The following ZSCAN25 variants were observed in gnomAD, a reference collection of about 807,000 sequenced individuals.
ZSCAN25 encodes zinc finger and SCAN domain containing 25.
Under a neutral mutation model 38.7 loss-of-function variants are expected in ZSCAN25, and 27 were observed. The ratio of observed to expected loss-of-function variants is 0.70; its 90% CI spans 0.51 to 0.96. ZSCAN25 has a LOEUF of 0.96. Ranked by LOEUF, ZSCAN25 falls within the 40% of genes least tolerant of loss-of-function variation. The pLI, the probability that ZSCAN25 is intolerant of heterozygous loss-of-function variation, is 0.00. For missense variants in ZSCAN25, 637 were observed against 705.9 expected (o/e 0.90, Z 1.11); for synonymous variants, 273 against 277.7 (o/e 0.98, Z 0.17).
downstream of ZSCAN25, among the ~76,000 whole-genome samples, chr7:99,635,875 G>A (rs1356556258): frequency 2.0e-5 from 3 of 151,816 alleles, no homozygotes; most frequent in Non-Finnish European, 4.4e-5. Flanking sequence ...GTGAAACCCC[G>A]TGTCTGCTAA....
At chr7:99,666,734 C>T in the ZSCAN25 span, 1 of 1,613,676 alleles carries the variant, frequency 6.2e-7, no homozygotes, top group Admixed American at 1.7e-5. Flanking sequence ...TGTGCAGACT[C>T]AAGTCCCAGA....
At chr7:99,627,376 A>G (rs1807567335) in intron 7 of ZSCAN25, among the ~76,000 whole-genome samples, 1 of 152,202 alleles carries the variant, frequency 6.6e-6, no homozygotes, top group Admixed American at 6.5e-5. Flanking sequence ...CAAAACTGAA[A>G]ACTACCCAAA....
In ZSCAN25 at chr7:99,631,322, A is replaced by G. The variant is rs896239821; in HGVS notation, c.*1302A>G. 6 of 985,406 alleles carry G rather than the reference A, an allele frequency of 6.1e-6. No individual in the cohort carries two copies. Among genetic ancestry groups the G allele is most frequent in the Non-Finnish European group, 7.2e-6 (6 of 829,920 alleles). 61.0% of individuals were successfully genotyped at this position (985,406 alleles called of 1,614,324 possible). On this transcript the variant is annotated 3_prime_UTR_variant, in exon 8 of 8. Coordinates refer to ENST00000394152, the MANE Select transcript of ZSCAN25 (RefSeq NM_145115.3). ...AGCGACCTGTTTTGCATGAGTGCCA[A>G]GTCAGGAAAAATAAAGATATTTGTA...
chr7:99,725,294 A>C, the ZSCAN25 span, among the ~76,000 whole-genome samples: 1 of 152,170 alleles, frequency 6.6e-6, no homozygotes, highest in South Asian at 2.1e-4. Flanking sequence ...CTCTCCTGAC[A>C]TTAGAAAAAA....
the ZSCAN25 span, chr7:99,658,998 G>A: frequency 6.6e-6 from 1 of 152,090 alleles, no homozygotes; most frequent in Non-Finnish European, 1.5e-5. Context: ...CTTTTTTCAA[G>A]GTTTTTAACT....
the ZSCAN25 span, chr7:99,710,587 C>CT: frequency 6.9e-7 from 1 of 1,458,720 alleles, no homozygotes; most frequent in Non-Finnish European, 9.1e-7. Context: ...ATGCTTCCTT[C>CT]TTTTTATTTT....
chr7:99,696,053 C>T, the ZSCAN25 span, among the ~76,000 whole-genome samples: 3 of 152,166 alleles, frequency 2.0e-5, no homozygotes, highest in South Asian at 2.1e-4. Context: ...AATGATTAGT[C>T]GAAAGCAGCA....
the ZSCAN25 span, among the ~76,000 whole-genome samples, chr7:99,715,176 T>C: frequency 6.6e-6 from 1 of 152,202 alleles, no homozygotes; most frequent in East Asian, 1.9e-4. Context: ...TAAGTTGAAG[T>C]AGAAATTAAA....
chr7:99,696,749 A>T, the ZSCAN25 span, among the ~76,000 whole-genome samples: 1 of 152,172 alleles, frequency 6.6e-6, no homozygotes, highest in Non-Finnish European at 1.5e-5. Flanking sequence ...CGCAAATCTC[A>T]TGTGGAAATG....
chr7:99,724,749 A>G, the ZSCAN25 span, among the ~76,000 whole-genome samples: 1 of 152,296 alleles, frequency 6.6e-6, no homozygotes, highest in South Asian at 2.1e-4. Context: ...AGCTGAAGGC[A>G]TAGTCAAGGT....
chr7:99,699,929 G>A, the ZSCAN25 span: 1 of 1,446,980 alleles, frequency 6.9e-7, no homozygotes, highest in Non-Finnish European at 9.7e-7. Flanking sequence ...CCAAGTCCAA[G>A]TTAACAGAGG....
At chr7:99,627,672 G>A (rs1034482139) in intron 7 of ZSCAN25, among the ~76,000 whole-genome samples, 2 of 150,006 alleles carry the variant, frequency 1.3e-5, no homozygotes, top group African/African-American at 2.5e-5. Flanking sequence ...TACTATATAC[G>A]TATATCATGT....
chr7:99,675,985 G>T, the ZSCAN25 span: 2 of 741,582 alleles, frequency 2.7e-6, no homozygotes, highest in Non-Finnish European at 4.5e-6. Context: ...ATGATCCACT[G>T]CACCCAGTCC....
At chr7:99,691,319 G>A in the ZSCAN25 span, among the ~76,000 whole-genome samples, 1 of 152,178 alleles carries the variant, frequency 6.6e-6, no homozygotes, top group Admixed American at 6.5e-5. Context: ...GGTAGGGATA[G>A]CATTAGGAGA....
the ZSCAN25 span, chr7:99,672,553 T>C: frequency 6.3e-7 from 1 of 1,578,574 alleles, no homozygotes; most frequent in Non-Finnish European, 8.7e-7. Flanking sequence ...TCAATCATTA[T>C]TTAAATTTCA....
intron 4 of ZSCAN25, 89 bp downstream of exon 4, chr7:99,620,082 G>A: frequency 6.9e-7 from 1 of 1,454,110 alleles, no homozygotes; most frequent in South Asian, 1.4e-5. Context: ...AGTAGGAGTG[G>A]ACGAGGTGTG....
intron 3 of ZSCAN25, among the ~76,000 whole-genome samples, chr7:99,619,360 C>A (rs1806732016): frequency 6.6e-6 from 1 of 152,184 alleles, no homozygotes; most frequent in Admixed American, 6.5e-5. Context: ...AAATCTTAGA[C>A]ATTTTCTGTT....
the ZSCAN25 span, chr7:99,665,151 T>C: frequency 6.3e-7 from 1 of 1,574,824 alleles, no homozygotes; most frequent in Non-Finnish European, 8.6e-7. Flanking sequence ...GAGAAAGAAA[T>C]AATAGCCCAC....
the ZSCAN25 span, among the ~76,000 whole-genome samples, chr7:99,719,569 T>C: frequency 6.6e-6 from 1 of 151,176 alleles, no homozygotes; most frequent in South Asian, 2.1e-4. Flanking sequence ...CAAAGAACTT[T>C]CAGACTTGAC....
Sources: gnomAD v4.1 joint callset for allele counts (sites outside exome capture counted in the v4.1 genomes callset) on GRCh38, gnomAD v4.1.1 for gene constraint, MANE v1.5 for transcripts, NCBI Gene and HGNC (gene_info 2026-07-23, HGNC 2026-07-21) for gene names.